IL17A: variants seen among roughly 807,000 people sequenced by gnomAD.
IL17A encodes interleukin-17A.
Under a neutral mutation model 7.2 loss-of-function variants are expected in IL17A, and 1 was observed. The observed-to-expected ratio is 0.14, with a 90% CI of 0.05 to 0.66. The LOEUF is 0.66. Ranked by LOEUF, IL17A falls within the 30% of genes least tolerant of loss-of-function variation. The pLI, the probability that IL17A is intolerant of heterozygous loss-of-function variation, is 0.84. For synonymous variants in IL17A, 90 were observed against 77.7 expected (o/e 1.16, Z -0.83); for missense variants, 191 against 197.1 (o/e 0.97, Z 0.18).
rs751747356 is a variant in IL17A at position 52,186,406 on chromosome 6, TC to T, written c.-22del. The T allele has an allele frequency of 2.5e-6, 4 of 1,613,362 alleles. No homozygotes were observed. The South Asian group carries it at 4.4e-5, about 18-fold the overall frequency. On this transcript the variant is annotated 5_prime_UTR_variant, in exon 1 of 3. Transcript: ENST00000648244. The stretch of plus-strand genomic sequence containing the variant: ...CTCATAGCAGGCACAAACTCATCCA[TC>T]CCCAGTTGATTGGAAGAAACAACGA...
At chr6:52,187,016 T>A (rs1167660854) in intron 1 of IL17A, among the ~76,000 whole-genome samples, 2 of 152,206 alleles carry the variant, frequency 1.3e-5, no homozygotes, top group Non-Finnish European at 1.5e-5. Context: ...TCAATACATG[T>A]TAAATTTAGA....
chr6:52,186,840 G>A (rs1763293496), intron 1 of IL17A, among the ~76,000 whole-genome samples: 1 of 152,180 alleles, frequency 6.6e-6, no homozygotes, highest in Non-Finnish European at 1.5e-5. Flanking sequence ...GAAAGCCGTA[G>A]CAGCAACAAC....
chr6:52,189,186 T>C lies in IL17A; in HGVS notation c.362T>C (p.Val121Ala). Residue 121 changes from valine (V) to alanine (A), a missense_variant, in exon 3 of 3, where the codon GTC (valine) becomes GCC (alanine). Coordinates refer to ENST00000648244, the MANE Select transcript of IL17A (RefSeq NM_002190.3). ...GTCCCCATCCAGCAAGAGATCCTGGTCCTGCGCAGGGAGCCTCCACACTGC... is the reference window on the plus strand; with the variant it reads ...GTCCCCATCCAGCAAGAGATCCTGGCCCTGCGCAGGGAGCCTCCACACTGC... The part of the protein sequence containing the change: ...NSVPIQQEIL[V>A]LRREPPHCPN... 2 of 1,614,142 alleles carry C rather than the reference T, an allele frequency of 1.2e-6. No homozygotes were observed. The highest frequency in any genetic ancestry group is 1.7e-6 in the Non-Finnish European group (2 of 1,179,988).
At position 52,187,590 on chromosome 6, in the gene IL17A, C is replaced by A; in HGVS notation, c.28-13C>A. ...AATCTCCAACCTCTCTCTCCTTTCC[C>A]ATTCAATTCTAGTCACTGCTACTGC... On this transcript the variant is annotated splice_polypyrimidine_tract_variant and intron_variant, in intron 1 of 2. Coordinates refer to ENST00000648244, the MANE Select transcript of IL17A (RefSeq NM_002190.3). 1 of 1,605,414 alleles carries A rather than the reference C, an allele frequency of 6.2e-7. No homozygotes were observed. The highest frequency in any genetic ancestry group is 8.5e-7 in the Non-Finnish European group (1 of 1,172,106).
rs534790732 is a variant in IL17A at position 52,190,256 on chromosome 6, T to A, written c.*964T>A. ...GTAGACAGAAGCATTTTGATAGGAATAGAGCAAATAAGATAATGGCCCTGA... is the reference window on the plus strand; with the variant it reads ...GTAGACAGAAGCATTTTGATAGGAAAAGAGCAAATAAGATAATGGCCCTGA... On this transcript the variant is annotated 3_prime_UTR_variant, in exon 3 of 3. Coordinates refer to ENST00000648244, the MANE Select transcript of IL17A (RefSeq NM_002190.3). The A allele has an allele frequency of 3.3e-5, 5 of 152,302 alleles. No individual in the cohort carries two copies. In the East Asian group the frequency reaches 9.6e-4, roughly 29 times the overall value. 9.4% of individuals were successfully genotyped at this position (152,302 alleles called of 1,614,324 possible).
Position 52,189,364 on chromosome 6 carries a change from C to T in IL17A, c.*72C>T. ...GCCGACCCAGCCCCTCAGGAACCCT[C>T]ATCCTTCAAAGACAGCCTCATTTCG... On this transcript the variant is annotated 3_prime_UTR_variant, in exon 3 of 3. Transcript: ENST00000648244. 1 of 1,131,308 alleles carries T rather than the reference C, an allele frequency of 8.8e-7. No individual in the cohort carries two copies. Among genetic ancestry groups the T allele is most frequent in the Non-Finnish European group, 1.3e-6 (1 of 769,576 alleles). 70.1% of individuals were successfully genotyped at this position (1,131,308 alleles called of 1,614,324 possible).
rs1763349041 is a variant in IL17A, at chr6:52,189,899, T to C, written c.*607T>C. On this transcript the variant is annotated 3_prime_UTR_variant, in exon 3 of 3. Transcript: ENST00000648244. The stretch of plus-strand genomic sequence containing the variant: ...CATGGCTGAAAAGAAAGATTAAACC[T>C]ACTTTCATATGTATTAATTTAAATT... The C allele has an allele frequency of 6.6e-6, 1 of 152,230 alleles. No individual in the cohort carries two copies. Among genetic ancestry groups the C allele is most frequent in the Admixed American group, 6.5e-5 (1 of 15,286 alleles). The allele number at this position is 152,230 out of a possible 1,614,324, so 9.4% of individuals were successfully genotyped here.
At position 52,189,047 on chromosome 6, in the gene IL17A, CT is replaced by C. The variant is rs756449286; in HGVS notation, c.231-7del. 46 of 1,601,578 alleles carry C rather than the reference CT, an allele frequency of 2.9e-5. No individual in the cohort carries two copies. Among genetic ancestry groups the C allele is most frequent in the Non-Finnish European group, 3.8e-5 (44 of 1,169,710 alleles). The stretch of plus-strand genomic sequence containing the variant: ...TCACTTTCCTCCTGATTTTTCTCCC[CT>C]CTGCAGCCGCAATGAGGACCCTGAG... On this transcript the variant is annotated splice_polypyrimidine_tract_variant and splice_region_variant and intron_variant, in intron 2 of 2. Coordinates refer to ENST00000648244, the MANE Select transcript of IL17A (RefSeq NM_002190.3).
intron 2 of IL17A, among the ~76,000 whole-genome samples, chr6:52,188,567 C>T (rs1403439485): frequency 6.6e-6 from 1 of 152,150 alleles, no homozygotes; most frequent in Non-Finnish European, 1.5e-5. Flanking sequence ...GACACTTAAC[C>T]TTTTGTTTCC....
chr6:52,189,425 C>A lies in IL17A; in HGVS notation c.*133C>A. The A allele has an allele frequency of 1.6e-6, 1 of 631,804 alleles. No homozygotes were observed. Among genetic ancestry groups the A allele is most frequent in the Non-Finnish European group, 2.7e-6 (1 of 367,268 alleles). The allele number at this position is 631,804 out of a possible 1,614,324, so 39.1% of individuals were successfully genotyped here. A position where few individuals can be genotyped will look rare whatever the true frequency, so the allele number is the denominator to read the frequency against. ...ATTAGAGTTCTTAAGGCAGTTTGTC[C>A]AATTAAAGCTTCAGAGGTAACACTT... is the stretch of plus-strand genomic sequence containing the variant. On this transcript the variant is annotated 3_prime_UTR_variant, in exon 3 of 3. Coordinates refer to ENST00000648244, the MANE Select transcript of IL17A (RefSeq NM_002190.3).
chr6:52,187,234 A>G (rs1477869148), intron 1 of IL17A, among the ~76,000 whole-genome samples: 1 of 152,220 alleles, frequency 6.6e-6, no homozygotes, highest in Non-Finnish European at 1.5e-5. Context: ...ATTTCTACCT[A>G]GAAAATCAAG....
At chr6:52,189,019 A>C (rs1420376594) in intron 2 of IL17A, 36 bp from the exon 3 acceptor site, 1 of 1,492,274 alleles carries the variant, frequency 6.7e-7, no homozygotes, top group South Asian at 1.1e-5. Context: ...CTTTACCAGG[A>C]ATTCACTTTC....
intron 1 of IL17A, 31 bp from the exon 2 acceptor site, chr6:52,187,572 A>G (rs1417071110): frequency 2.6e-6 from 4 of 1,555,488 alleles, no homozygotes; most frequent in Non-Finnish European, 3.5e-6. Context: ...TCTAATCTCC[A>G]ACCTCTCTCT....
intron 2 of IL17A, among the ~76,000 whole-genome samples, chr6:52,188,840 C>T (rs933380045): frequency 6.6e-6 from 1 of 151,862 alleles, no homozygotes; most frequent in African/African-American, 2.4e-5. Context: ...TGGAGAAAAA[C>T]TGATCACTGT....
Position 52,189,484 on chromosome 6 carries a change from C to T in IL17A, c.*192C>T, listed in dbSNP as rs139300148. ...TATGAGATCTGAATTACCTTTCCCT[C>T]TTTCCAAGAAGGAAGGTTTGACTGA... On this transcript the variant is annotated 3_prime_UTR_variant, in exon 3 of 3. Transcript: ENST00000648244. 23 of 509,094 alleles carry T rather than the reference C, an allele frequency of 4.5e-5. No individual in the cohort carries two copies. Among genetic ancestry groups the T allele is most frequent in the African/African-American group, 4.4e-4 (23 of 51,926 alleles). 31.5% of individuals were successfully genotyped at this position (509,094 alleles called of 1,614,324 possible). A position where few individuals can be genotyped will look rare whatever the true frequency, so the allele number is the denominator to read the frequency against.
chr6:52,187,088 C>A (rs995485215), intron 1 of IL17A, among the ~76,000 whole-genome samples: 1 of 152,096 alleles, frequency 6.6e-6, no homozygotes, highest in Non-Finnish European at 1.5e-5. Flanking sequence ...GGATGCCTGC[C>A]AGTAGCACCA....
At chr6:52,188,258 C>G (rs1200487881) in intron 2 of IL17A, among the ~76,000 whole-genome samples, 1 of 152,160 alleles carries the variant, frequency 6.6e-6, no homozygotes, top group East Asian at 1.9e-4. Flanking sequence ...ATAAGTATCA[C>G]TGGGGTATTT....
intron 1 of IL17A, among the ~76,000 whole-genome samples, chr6:52,186,901 T>C (rs1763294715): frequency 6.6e-6 from 1 of 152,238 alleles, no homozygotes; most frequent in Admixed American, 6.5e-5. Context: ...AAACTATGTA[T>C]TCTAACTAAA....
rs901809741 is a variant in IL17A, at chr6:52,189,631, T to G, written c.*339T>G. The G allele has an allele frequency of 1.6e-5, 3 of 187,992 alleles. No individual in the cohort carries two copies. Among genetic ancestry groups the G allele is most frequent in the African/African-American group, 7.0e-5 (3 of 42,776 alleles). 11.6% of individuals were successfully genotyped at this position (187,992 alleles called of 1,614,324 possible). On this transcript the variant is annotated 3_prime_UTR_variant, in exon 3 of 3. Transcript: ENST00000648244. ...AATGAATTACCTACTTTATTTTGTT[T>G]GTCTTTTTAAAGAAGATAAGATTCT...
Sources: allele counts gnomAD v4.1 joint callset (sites outside exome capture counted in the v4.1 genomes callset), GRCh38; gene constraint gnomAD v4.1.1; transcripts MANE v1.5; gene names NCBI Gene and HGNC (gene_info 2026-07-23, HGNC 2026-07-21).